The following CNGB3 variants were observed in gnomAD, a reference collection of about 807,000 sequenced individuals.
CNGB3 encodes cyclic nucleotide gated channel subunit beta 3.
Under a neutral mutation model 92.8 loss-of-function variants are expected in CNGB3, and 86 were observed. That is an observed-to-expected ratio of 0.93 (90% CI 0.78 to 1.11). The LOEUF is 1.11. Among genes scored for constraint, CNGB3 ranks in the 50% least tolerant of loss-of-function variants. The probability of loss-of-function intolerance (pLI) is 0.00; values close to 1 mark genes in which losing one functional copy is unlikely to be tolerated. For missense variants in CNGB3, 1,026 were observed against 956.8 expected, an observed-to-expected ratio of 1.07 and a Z score of -0.95; for synonymous variants, 333 against 332.7, an observed-to-expected ratio of 1.00 and a Z score of -0.01.
At chr8:86,677,814 C>T (rs1017132859) in intron 3 of CNGB3, among the ~76,000 whole-genome samples, 5 of 152,088 alleles carry the variant, frequency 3.3e-5, no homozygotes, top group African/African-American at 7.2e-5. Context: ...ATATGTAATG[C>T]CATCAAATTT....
chr8:86,687,759 A>T (rs1484042750), intron 3 of CNGB3, among the ~76,000 whole-genome samples: 1 of 152,122 alleles, frequency 6.6e-6, no homozygotes, highest in Non-Finnish European at 1.5e-5. Flanking sequence ...ACACTTCTTG[A>T]TGTATTAGGC....
intron 2 of CNGB3, among the ~76,000 whole-genome samples, chr8:86,727,256 A>C (rs1456064687): frequency 6.6e-6 from 1 of 152,174 alleles, no homozygotes; most frequent in Non-Finnish European, 1.5e-5. Flanking sequence ...TTTCTTTTTG[A>C]TATTGACAAA....
chr8:86,694,218 C>T lies in CNGB3; in HGVS notation c.339-23120G>A, dbSNP rs538914434. On this transcript the variant is annotated intron_variant, in intron 3 of 17. Coordinates refer to ENST00000320005, the MANE Select transcript of CNGB3 (RefSeq NM_019098.5). ...CTCCCGGACGGGGCGGCTGGCCGGG[C>T]GGGGGGCTGACCCCCCCACCTCCCT... is the stretch of plus-strand genomic sequence containing the variant. Among the ~76,000 whole-genome samples, 112 of 138,740 alleles carry T rather than the reference C, an allele frequency of 8.1e-4. 1 individual carries two copies. In the East Asian group the frequency reaches 0.019, roughly 23 times the overall value. 91.0% of individuals were successfully genotyped at this position (138,740 alleles called of 152,430 possible).
At chr8:86,694,640 G>A (rs1344394384) in intron 3 of CNGB3, among the ~76,000 whole-genome samples, 1 of 151,920 alleles carries the variant, frequency 6.6e-6, no homozygotes, top group Non-Finnish European at 1.5e-5. Context: ...GCCGGGCAGA[G>A]GCACTCCTCA....
At chr8:86,621,696 C>T (rs1394540841) in intron 13 of CNGB3, among the ~76,000 whole-genome samples, 1 of 152,116 alleles carries the variant, frequency 6.6e-6, no homozygotes, top group Non-Finnish European at 1.5e-5. Context: ...CCCCTGCATC[C>T]TCATAGCTTA....
chr8:86,692,565 C>T (rs911580018), intron 3 of CNGB3, among the ~76,000 whole-genome samples: 1 of 151,900 alleles, frequency 6.6e-6, no homozygotes, highest in African/African-American at 2.4e-5. Context: ...CCTTTGTTGC[C>T]CATTTGCATG....
chr8:86,620,476 C>T (rs1220075246), intron 13 of CNGB3, among the ~76,000 whole-genome samples: 2 of 152,138 alleles, frequency 1.3e-5, no homozygotes, highest in African/African-American at 2.4e-5. Context: ...ATATCCCCTT[C>T]TTATAAAGAC....
intron 3 of CNGB3, among the ~76,000 whole-genome samples, chr8:86,685,670 A>T (rs1267353536): frequency 1.3e-5 from 2 of 152,152 alleles, no homozygotes; most frequent in Non-Finnish European, 1.5e-5. Context: ...CTTACTGAAA[A>T]GTCATATATG....
chr8:86,738,474 T>C (rs1224394039), intron 2 of CNGB3, among the ~76,000 whole-genome samples: 2 of 152,140 alleles, frequency 1.3e-5, no homozygotes, highest in African/African-American at 4.8e-5. Context: ...AAGCAACCAC[T>C]TGGCCTGGGG....
chr8:86,726,620 G>T lies in CNGB3; in HGVS notation c.249C>A (p.Thr83=), dbSNP rs754960064. The T allele has an allele frequency of 6.2e-7, 1 of 1,613,706 alleles. No individual in the cohort carries two copies. Residue 83 remains threonine (T), a synonymous_variant, in exon 3 of 18, where the codon ACC becomes ACA. Transcript: ENST00000320005. ...CTGCATTTTGAGGGTCAGGGTTTGT[G>T]GTCAGATCTCCAGAGGAATTTTTCT... ...LSKKNSSGDL[T]TNPDPQNAAE...
chr8:86,742,773 C>T (rs1374222186), intron 1 of CNGB3, among the ~76,000 whole-genome samples: 4 of 152,276 alleles, frequency 2.6e-5, no homozygotes, highest in African/African-American at 9.6e-5. Flanking sequence ...ATAATAGCCA[C>T]TTGTAAAGTA....
rs145986524 is a variant in CNGB3, at chr8:86,576,067, T to C, written c.2167A>G (p.Asn723Asp). ...GKENEDKQKE[N>D]EDKQKENEDK... Reference sequence around the variant, plus strand: ...TCATTTTCTTTTTGTTTATCTTCATTTTCTTTTTGTTTATCTTCATTTTCT... The same window carrying C: ...TCATTTTCTTTTTGTTTATCTTCATCTTCTTTTTGTTTATCTTCATTTTCT... Residue 723 changes from asparagine (N) to aspartate (D), a missense_variant, in exon 18 of 18, where the codon AAT (asparagine) becomes GAT (aspartate). Coordinates refer to ENST00000320005, the MANE Select transcript of CNGB3 (RefSeq NM_019098.5). The C allele has an allele frequency of 1.7e-5, 27 of 1,602,684 alleles. No homozygotes were observed. Among genetic ancestry groups the C allele is most frequent in the Non-Finnish European group, 2.3e-5 (27 of 1,174,262 alleles).
chr8:86,594,207 C>G, intron 15 of CNGB3: 1 of 273,476 alleles, frequency 3.7e-6, no homozygotes, highest in Non-Finnish European at 7.3e-6. Context: ...AGGGCCAAGA[C>G]CTTCCCTAGG....
chr8:86,621,732 C>A (rs1822732233), intron 13 of CNGB3, among the ~76,000 whole-genome samples: 1 of 152,114 alleles, frequency 6.6e-6, no homozygotes, highest in Admixed American at 6.6e-5. Context: ...TGAGTATATA[C>A]AATATTTGAT....
rs267602034 is a variant in CNGB3 at position 86,647,830 on chromosome 8, G to A, written c.961C>T (p.Pro321Ser). The A allele has an allele frequency of 6.3e-7, 1 of 1,587,302 alleles. No homozygotes were observed. Among genetic ancestry groups the A allele is most frequent in the Non-Finnish European group, 8.6e-7 (1 of 1,156,748 alleles). Reference sequence around the variant, plus strand: ...AACATCCTATTTGCTCTAAACATTGGATTAAACCCAAAGAAGAGGTAGCAA... The same window carrying A: ...AACATCCTATTTGCTCTAAACATTGAATTAAACCCAAAGAAGAGGTAGCAA... ...DICYLFFGFN[P>S]MFRANRMLKY... Residue 321 changes from proline (P) to serine (S), a missense_variant, in exon 8 of 18, where the codon CCA becomes TCA. By Grantham distance (74) the Pro-to-Ser change is moderately conservative. Transcript: ENST00000320005.
At chr8:86,618,331 A>G (rs1822655876) in intron 13 of CNGB3, among the ~76,000 whole-genome samples, 1 of 152,194 alleles carries the variant, frequency 6.6e-6, no homozygotes, top group Admixed American at 6.5e-5. Flanking sequence ...TTTTTCTATG[A>G]TCAGGCAGGG....
intron 7 of CNGB3, among the ~76,000 whole-genome samples, 173 bp downstream of exon 7, chr8:86,653,839 T>G (rs1300255829): frequency 6.6e-6 from 1 of 152,164 alleles, no homozygotes; most frequent in Non-Finnish European, 1.5e-5. Context: ...ATTACCCACT[T>G]GCACATACAA....
chr8:86,659,345 G>T, intron 6 of CNGB3: 2 of 1,142,358 alleles, frequency 1.8e-6, no homozygotes, highest in Non-Finnish European at 1.3e-6. Context: ...GTAACTGCTG[G>T]TTAGCATCAG....
chr8:86,661,166 C>A (rs1195047626), intron 6 of CNGB3: 1 of 235,404 alleles, frequency 4.2e-6, no homozygotes, highest in Non-Finnish European at 8.6e-6. Flanking sequence ...ACCCAGTTGA[C>A]AACCACAACA....
Sources: allele counts gnomAD v4.1 joint callset (sites outside exome capture counted in the v4.1 genomes callset), GRCh38; gene constraint gnomAD v4.1.1; transcripts MANE v1.5; gene names NCBI Gene and HGNC (gene_info 2026-07-23, HGNC 2026-07-21).